AMBRA1: variants seen among roughly 807,000 people sequenced by gnomAD.
The protein encoded by AMBRA1 is activating molecule in BECN1-regulated autophagy protein 1.
In AMBRA1, 47 loss-of-function variants were observed where a neutral mutation model predicts 125.4. That is an observed-to-expected ratio of 0.37 (90% confidence interval 0.30 to 0.48). The LOEUF is 0.48. AMBRA1 is among the 20% of genes least tolerant of loss of function. The pLI, the probability that AMBRA1 is intolerant of heterozygous loss-of-function variation, is 0.99. For synonymous variants in AMBRA1, 626 were observed against 655.5 expected, an observed-to-expected ratio of 0.95 and a Z score of 0.69; for missense variants, 1,331 against 1,693.4, an observed-to-expected ratio of 0.79 and a Z score of 3.76.
chr11:46,565,400 T>C (rs2043485907), intron 1 of AMBRA1, among the ~76,000 whole-genome samples: 1 of 152,100 alleles, frequency 6.6e-6, no homozygotes, highest in African/African-American at 2.4e-5. Context: ...AATGATAACT[T>C]ATGTTCAGAC....
In AMBRA1 at chr11:46,450,857, T is replaced by G. The variant is rs566623397; in HGVS notation, c.2522-7259A>C. Among the ~76,000 whole-genome samples, 217 of 152,358 alleles carry G rather than the reference T, an allele frequency of 1.4e-3. 1 individual carries two copies. The highest frequency in any genetic ancestry group is 4.7e-3 in the Admixed American group (72 of 15,308). On this transcript the variant is annotated intron_variant, in intron 11 of 17. Coordinates refer to ENST00000683756, the MANE Select transcript of AMBRA1 (RefSeq NM_001387011.1). ...TTACAACACCAAGCATGAACCCTAATGTAAACGCATACTTTGAGTGATAAT... is the reference window on the plus strand; with the variant it reads ...TTACAACACCAAGCATGAACCCTAAGGTAAACGCATACTTTGAGTGATAAT...
intron 16 of AMBRA1, 71 bp downstream of exon 16, chr11:46,410,205 A>G (rs1946221003): frequency 6.8e-7 from 1 of 1,461,030 alleles, no homozygotes; most frequent in Non-Finnish European, 9.6e-7. Flanking sequence ...GCGCTGCTTA[A>G]GAGCCCATCA....
intron 11 of AMBRA1, among the ~76,000 whole-genome samples, chr11:46,470,250 G>C (rs2077185162): frequency 6.6e-6 from 1 of 152,008 alleles, no homozygotes; most frequent in Non-Finnish European, 1.5e-5. Flanking sequence ...AGACCAGCCT[G>C]AGCAACATAG....
intron 1 of AMBRA1, among the ~76,000 whole-genome samples, chr11:46,559,997 C>T (rs1278016131): frequency 6.6e-6 from 1 of 152,120 alleles, no homozygotes; most frequent in African/African-American, 2.4e-5. Flanking sequence ...CAGAAGTTCA[C>T]ACAAAGAAGT....
intron 1 of AMBRA1, among the ~76,000 whole-genome samples, chr11:46,555,539 G>A (rs1286506592): frequency 1.3e-5 from 2 of 152,184 alleles, no homozygotes; most frequent in Admixed American, 1.3e-4. Context: ...GGTTCACTAT[G>A]GTTTCCCTCA....
chr11:46,507,469 A>G lies in AMBRA1; in HGVS notation c.2339+722T>C, dbSNP rs537637749. 9.9e-5 allele frequency among the ~76,000 whole-genome samples: 14 copies of G among 142,126 alleles called. No individual in the cohort carries two copies. The South Asian group carries it at 3.2e-3, about 33-fold the overall frequency. 93.2% of individuals were successfully genotyped at this position (142,126 alleles called of 152,430 possible). On this transcript the variant is annotated intron_variant, in intron 9 of 17. Coordinates refer to ENST00000683756, the MANE Select transcript of AMBRA1 (RefSeq NM_001387011.1). The stretch of plus-strand genomic sequence containing the variant: ...ACTCCAGCCTGAGCGAAAGAGCGAG[A>G]CTCCGTCTCAAAAAAAAAAAAAAAA...
rs761919668 is a variant in AMBRA1, at chr11:46,518,429, CAAAAAAAAAAAA to C, written c.2073-5628_2073-5617del. 7.7e-4 allele frequency: 45 copies of C among 58,430 alleles called. No homozygotes were observed. The East Asian group carries it at 0.011, about 14-fold the overall frequency. 3.6% of individuals were successfully genotyped at this position (58,430 alleles called of 1,614,324 possible). On this transcript the variant is annotated intron_variant, in intron 7 of 17. Coordinates refer to ENST00000683756, the MANE Select transcript of AMBRA1 (RefSeq NM_001387011.1). ...TAGGTGACAGAGCAAGACTCCGTCT[CAAAAAAAAAAAA>C]AAAAAAAAAAAAAGAATTACTCACT...
intron 14 of AMBRA1, among the ~76,000 whole-genome samples, chr11:46,421,663 G>T (rs1946855342): frequency 6.6e-6 from 1 of 152,184 alleles, no homozygotes; most frequent in South Asian, 2.1e-4. Flanking sequence ...CCGGGCCAAA[G>T]CTGAACAGCT....
intron 11 of AMBRA1, among the ~76,000 whole-genome samples, chr11:46,470,184 T>A (rs1055440488): frequency 1.3e-5 from 2 of 152,108 alleles, no homozygotes; most frequent in Non-Finnish European, 2.9e-5. Flanking sequence ...GGCTCATGCC[T>A]ATAACCCGAG....
Position 46,397,475 on chromosome 11 carries a change from G to A in AMBRA1, c.3872C>T (p.Pro1291Leu), listed in dbSNP as rs763072636. ...GGSSRGDAAG[P>L]RGEPRNR is the part of the protein sequence containing the mutation. Reference sequence around the variant, plus strand: ...CTACCTGTTCCGTGGTTCTCCCCTAGGGCCTGCAGCGTCCCCCCTGCTGCT... The same window carrying A: ...CTACCTGTTCCGTGGTTCTCCCCTAAGGCCTGCAGCGTCCCCCCTGCTGCT... The change falls in exon 18 of 18, where the codon CCT (proline) becomes CTT (leucine). Residue 1291 changes from proline to leucine, a missense_variant. By Grantham distance (98) the Pro-to-Leu change is moderately conservative (BLOSUM62 -3). This residue lies in a region of AMBRA1 where 144 missense variants were observed against 133.9 expected (regional missense o/e 1.08). Coordinates refer to ENST00000683756, the MANE Select transcript of AMBRA1 (RefSeq NM_001387011.1). 4.0e-6 allele frequency: 6 copies of A among 1,516,990 alleles called. No homozygotes were observed. The highest frequency in any genetic ancestry group is 5.3e-6 in the Non-Finnish European group (6 of 1,131,952). The allele number at this position is 1,516,990 out of a possible 1,614,324, so 94.0% of individuals were successfully genotyped here. A position where few individuals can be genotyped will look rare whatever the true frequency, so the allele number is the denominator to read the frequency against.
At chr11:46,568,337 A>G (rs2043615465) in intron 1 of AMBRA1, among the ~76,000 whole-genome samples, 1 of 152,028 alleles carries the variant, frequency 6.6e-6, no homozygotes, top group African/African-American at 2.4e-5. Flanking sequence ...AGGCGCCTGT[A>G]ATTCCAGCTA....
At position 46,408,685 on chromosome 11, in the gene AMBRA1, C is replaced by A; in HGVS notation, c.3231G>T (p.Arg1077Ser). ...TCATCAGCCCCATGTCTCTGTCTGT[C>A]CTCCATGTGGCTCTGCTGGTTCTAG... ...ERPGTSRATW[R>S]TDRDMGLMNA... Residue 1077 changes from arginine (R) to serine (S), a missense_variant, in exon 17 of 18, where the codon AGG becomes AGT. Arg to Ser is a moderately radical substitution (Grantham distance 110). This residue lies in a region of AMBRA1 where 354 missense variants were observed against 532.7 expected (regional missense o/e 0.66). Transcript: ENST00000683756. 6.4e-7 allele frequency: 1 copy of A among 1,565,366 alleles called. No individual in the cohort carries two copies. The highest frequency in any genetic ancestry group is 8.7e-7 in the Non-Finnish European group (1 of 1,152,008).
At chr11:46,415,736 G>GT (rs1224990481) in intron 15 of AMBRA1, among the ~76,000 whole-genome samples, 1 of 152,218 alleles carries the variant, frequency 6.6e-6, no homozygotes, top group Non-Finnish European at 1.5e-5. Context: ...TCTGTGACAG[G>GT]ACACTGTTCA....
chr11:46,482,443 AAAAAGCAGCCACTGGCACTAACT>A (rs1950105838), intron 11 of AMBRA1, among the ~76,000 whole-genome samples: 2 of 152,218 alleles, frequency 1.3e-5, no homozygotes, highest in African/African-American at 4.8e-5. Flanking sequence ...CAAATATTAC[AAAAAGCAGCCACTGGCACTAACT>A]ATATCAATAT....
Position 46,408,529 on chromosome 11 carries a change from G to A in AMBRA1, c.3387C>T (p.Ala1129=). 1.3e-6 allele frequency: 2 copies of A among 1,572,726 alleles called. No homozygotes were observed. ...EREVPEPGTA[A]SGPGEGEGSE... ...GGCTCCTACCTTCACCAGGACCTGA[G>A]GCGGCTGTCCCTGGCTCCGGCACCT... Residue 1129 remains alanine (A), a synonymous_variant, in exon 17 of 18, where the codon GCC becomes GCT. Transcript: ENST00000683756.
At chr11:46,491,855 G>A (rs954583128) in intron 11 of AMBRA1, among the ~76,000 whole-genome samples, 2 of 152,174 alleles carry the variant, frequency 1.3e-5, no homozygotes, top group Non-Finnish European at 2.9e-5. Flanking sequence ...TAGGAAACAG[G>A]AAATTGAAGT....
intron 11 of AMBRA1, among the ~76,000 whole-genome samples, chr11:46,470,823 C>T (rs1318533964): frequency 6.6e-6 from 1 of 152,090 alleles, no homozygotes; most frequent in Non-Finnish European, 1.5e-5. Flanking sequence ...AGTTTGTTTA[C>T]TCATCAGACA....
chr11:46,579,097 C>A (rs2044080636), intron 1 of AMBRA1, among the ~76,000 whole-genome samples: 1 of 136,814 alleles, frequency 7.3e-6, no homozygotes, highest in East Asian at 2.1e-4. Flanking sequence ...GCCAGTAATA[C>A]CAAAATACAA....
At chr11:46,478,067 C>G (rs1036644241) in intron 11 of AMBRA1, among the ~76,000 whole-genome samples, 3 of 152,004 alleles carry the variant, frequency 2.0e-5, no homozygotes, top group African/African-American at 7.2e-5. Flanking sequence ...GAATTTGTCT[C>G]TATGTGACCT....
Sources: gnomAD v4.1 joint callset for allele counts (sites outside exome capture counted in the v4.1 genomes callset) on GRCh38, gnomAD v4.1.1 for gene constraint, gnomAD v4.1.1 regional missense constraint, MANE v1.5 for transcripts, NCBI Gene and HGNC (gene_info 2026-07-23, HGNC 2026-07-21) for gene names.